Variants in ATP10B observed in about 807,000 individuals in gnomAD.
The protein encoded by ATP10B is phospholipid-transporting ATPase VB.
ATP10B carries 122 observed loss-of-function variants against 141.2 expected under a neutral mutation model. The observed-to-expected ratio is 0.86, with a 90% CI of 0.75 to 1.00. ATP10B has a LOEUF of 1.00. Ranked by LOEUF, ATP10B falls within the 50% of genes least tolerant of loss-of-function variation. The pLI is 0.00. For synonymous variants in ATP10B, 685 were observed against 692.0 expected (o/e 0.99, Z 0.16); for missense variants, 1,876 against 1,825.3 (o/e 1.03, Z -0.51).
At chr5:160,662,957 C>T (rs1182496876) in intron 7 of ATP10B, among the ~76,000 whole-genome samples, 2 of 151,836 alleles carry the variant, frequency 1.3e-5, no homozygotes, top group African/African-American at 4.8e-5. Flanking sequence ...CAAGAAACAA[C>T]CCCATCAACA....
intron 11 of ATP10B, 41 bp from the exon 12 acceptor site, chr5:160,634,647 G>C (rs192729920): frequency 6.1e-4 from 946 of 1,557,366 alleles, no homozygotes; most frequent in Non-Finnish European, 7.8e-4. Flanking sequence ...AACCAGGCAG[G>C]TTCCCTCCCT....
intron 1 of ATP10B, among the ~76,000 whole-genome samples, chr5:160,798,960 C>T (rs1215103753): frequency 3.3e-5 from 5 of 151,994 alleles, no homozygotes; most frequent in Non-Finnish European, 7.4e-5. Flanking sequence ...CCATGTTAGC[C>T]AGGCTGGTCT....
rs78693640 is a variant in ATP10B at position 160,607,158 on chromosome 5, C to T, written c.2839-72G>A. The stretch of plus-strand genomic sequence containing the variant: ...TGCATGTTAACAATTTCAGTTTATT[C>T]TTTAGTAAGATAGTCATAAAACTCT... On this transcript the variant is annotated intron_variant, in intron 18 of 25. Coordinates refer to ENST00000327245, the MANE Select transcript of ATP10B (RefSeq NM_025153.3). 1.0e-4 allele frequency: 134 copies of T among 1,319,884 alleles called. No homozygotes were observed. In the East Asian group the frequency reaches 3.0e-3, roughly 29 times the overall value. The allele number at this position is 1,319,884 out of a possible 1,614,324, so 81.8% of individuals were successfully genotyped here. A position where few individuals can be genotyped will look rare whatever the true frequency, so the allele number is the denominator to read the frequency against.
the ATP10B span, among the ~76,000 whole-genome samples, chr5:160,914,820 C>A: frequency 1.3e-5 from 2 of 152,202 alleles, no homozygotes; most frequent in Non-Finnish European, 2.9e-5. Context: ...TTGCTCAGTG[C>A]TCCATTTCAA....
chr5:160,761,544 C>T (rs1769045968), intron 2 of ATP10B, among the ~76,000 whole-genome samples: 2 of 152,238 alleles, frequency 1.3e-5, no homozygotes, highest in Admixed American at 1.3e-4. Flanking sequence ...GAGAGCACCA[C>T]ATCAAGGGAT....
chr5:160,826,363 G>A (rs535211974), intron 1 of ATP10B, among the ~76,000 whole-genome samples: 3 of 152,232 alleles, frequency 2.0e-5, no homozygotes, highest in African/African-American at 2.4e-5. Flanking sequence ...AACGTAAATC[G>A]TGAAGATTTC....
chr5:160,798,771 G>A (rs1359923019), intron 1 of ATP10B, among the ~76,000 whole-genome samples: 3 of 123,482 alleles, frequency 2.4e-5, no homozygotes, highest in Non-Finnish European at 3.4e-5. Flanking sequence ...TTTTTTTTGA[G>A]GCAAAGGCTT....
At chr5:160,720,631 T>G (rs1468703281) in intron 2 of ATP10B, among the ~76,000 whole-genome samples, 2 of 152,234 alleles carry the variant, frequency 1.3e-5, no homozygotes, top group Admixed American at 6.5e-5. Context: ...TTCAACAATT[T>G]CAGCACAGTT....
intron 3 of ATP10B, among the ~76,000 whole-genome samples, chr5:160,707,326 G>C (rs1022517756): frequency 3.9e-5 from 6 of 152,212 alleles, no homozygotes; most frequent in African/African-American, 1.4e-4. Context: ...TTCCACTACA[G>C]TGGGATCCCC....
At chr5:160,780,552 C>T (rs1354303814) in intron 2 of ATP10B, among the ~76,000 whole-genome samples, 1 of 152,148 alleles carries the variant, frequency 6.6e-6, no homozygotes, top group Non-Finnish European at 1.5e-5. Context: ...AACTTCACTT[C>T]TATCTGTGCA....
chr5:160,805,795 G>T (rs183169567), intron 1 of ATP10B, among the ~76,000 whole-genome samples: 5 of 152,296 alleles, frequency 3.3e-5, no homozygotes, highest in Middle Eastern at 3.4e-3. Context: ...GTATTAGTCA[G>T]GGTTCTCCAG....
intron 1 of ATP10B, among the ~76,000 whole-genome samples, chr5:160,793,471 G>A (rs2098620407): frequency 6.6e-6 from 1 of 152,140 alleles, no homozygotes; most frequent in South Asian, 2.1e-4. Context: ...CCATTATGAA[G>A]TATTTATATT....
intron 1 of ATP10B, among the ~76,000 whole-genome samples, chr5:160,825,857 G>A (rs1774562338): frequency 6.6e-6 from 1 of 152,102 alleles, no homozygotes. Flanking sequence ...CCATGTTTAT[G>A]TCCATGTGCA....
Position 160,777,124 on chromosome 5 carries a change from C to T in ATP10B, c.-331+8435G>A, listed in dbSNP as rs150368406. ...GTCATCTAATCCCAGTGAGGAAAGACGACCAGAGTAACAAGGATATTCAGA... is the reference window on the plus strand; with the variant it reads ...GTCATCTAATCCCAGTGAGGAAAGATGACCAGAGTAACAAGGATATTCAGA... On this transcript the variant is annotated intron_variant, in intron 2 of 25. Coordinates refer to ENST00000327245, the MANE Select transcript of ATP10B (RefSeq NM_025153.3). 6.6e-3 allele frequency among the ~76,000 whole-genome samples: 1,012 copies of T among 152,232 alleles called. 12 individuals are homozygous for T. Among genetic ancestry groups the T allele is most frequent in the African/African-American group, 0.023 (959 of 41,526 alleles).
At chr5:160,722,394 G>A (rs1387480234) in intron 2 of ATP10B, among the ~76,000 whole-genome samples, 1 of 152,160 alleles carries the variant, frequency 6.6e-6, no homozygotes, top group Non-Finnish European at 1.5e-5. Context: ...GTACTGTCAT[G>A]TGTTCTGCCT....
chr5:160,893,208 C>T, the ATP10B span, among the ~76,000 whole-genome samples: 8 of 152,066 alleles, frequency 5.3e-5, no homozygotes, highest in Admixed American at 5.2e-4. Flanking sequence ...ACCATTCACT[C>T]CCCTGAAAAG....
At chr5:160,643,783 T>C (rs976869600) in intron 9 of ATP10B, among the ~76,000 whole-genome samples, 3 of 152,156 alleles carry the variant, frequency 2.0e-5, no homozygotes, top group African/African-American at 7.2e-5. Context: ...AATGAGGAAA[T>C]TGAGGCTCCA....
intron 2 of ATP10B, among the ~76,000 whole-genome samples, chr5:160,783,645 A>G (rs1465666470): frequency 6.7e-6 from 1 of 150,310 alleles, no homozygotes; most frequent in African/African-American, 2.4e-5. Context: ...ATTGATGGGC[A>G]TTTGGGTTGG....
At chr5:160,858,181 T>C in the ATP10B span, among the ~76,000 whole-genome samples, 4 of 151,958 alleles carry the variant, frequency 2.6e-5, no homozygotes, top group African/African-American at 4.8e-5. Flanking sequence ...TTTAAAATTG[T>C]GTCTCCCTGG....
Sources: gnomAD v4.1 joint callset for allele counts (sites outside exome capture counted in the v4.1 genomes callset) on GRCh38, gnomAD v4.1.1 for gene constraint, MANE v1.5 for transcripts, NCBI Gene and HGNC (gene_info 2026-07-23, HGNC 2026-07-21) for gene names.